Variants in MKRN1 observed in about 807,000 individuals in gnomAD.
MKRN1 encodes makorin ring finger protein 1.
MKRN1 carries 9 observed loss-of-function variants against 55.5 expected under a neutral mutation model. The observed-to-expected ratio is 0.16, with a 90% CI of 0.10 to 0.28. The LOEUF is 0.28. MKRN1 is among the 10% of genes least tolerant of loss of function. MKRN1 has a pLI of 1.00. For missense variants in MKRN1, 488 were observed against 626.7 expected (o/e 0.78, Z 2.36); for synonymous variants, 253 against 235.9 (o/e 1.07, Z -0.66).
chr7:140,479,173 G>T lies in MKRN1; in HGVS notation c.172C>A (p.Gln58Lys), dbSNP rs1219203498. ...GCAACGTCCTACCTGCAGGTGACCTGTTTAGTCCAGCCGCCGCCGCTGCCG... is the reference window on the plus strand; with the variant it reads ...GCAACGTCCTACCTGCAGGTGACCTTTTTAGTCCAGCCGCCGCCGCTGCCG... ...SDGSGGGWTKQVTCRYFMHGV... is the reference protein window; with the variant it reads ...SDGSGGGWTKKVTCRYFMHGV... Residue 58 changes from glutamine to lysine, a missense_variant, in exon 1 of 8, where the codon CAG becomes AAG. By Grantham distance (53) the Gln-to-Lys change is moderately conservative (BLOSUM62 1). Around this residue, in one of 2 missense-constraint regions of MKRN1, gnomAD observed 210 missense variants for 220.0 expected, o/e 0.95. Coordinates refer to ENST00000255977, the MANE Select transcript of MKRN1 (RefSeq NM_013446.4). 2.1e-6 allele frequency: 3 copies of T among 1,455,178 alleles called. No homozygotes were observed. The East Asian group carries it at 9.1e-5, about 44-fold the overall frequency. 90.1% of individuals were successfully genotyped at this position (1,455,178 alleles called of 1,614,324 possible).
intron 1 of MKRN1, chr7:140,473,256 T>C (rs1176756256): frequency 2.2e-6 from 1 of 451,088 alleles, no homozygotes; most frequent in South Asian, 1.6e-5. Flanking sequence ...CAAGTTGAGT[T>C]TGCCTTCGGT....
At chr7:140,471,752 G>A in intron 2 of MKRN1, 131 bp downstream of exon 2, 1 of 1,285,374 alleles carries the variant, frequency 7.8e-7, no homozygotes, top group Non-Finnish European at 1.1e-6. Flanking sequence ...TTATAGGCAT[G>A]AGCCACTGCC....
At chr7:140,456,244 G>A in intron 5 of MKRN1, 1 of 1,149,294 alleles carries the variant, frequency 8.7e-7, no homozygotes, top group Non-Finnish European at 1.1e-6. Context: ...AGATTATGTG[G>A]TTTTTGTTCA....
chr7:140,459,882 A>T lies in MKRN1; in HGVS notation c.369T>A (p.Thr123=), dbSNP rs778914723. The T allele has an allele frequency of 3.7e-6, 6 of 1,613,874 alleles. No homozygotes were observed. The African/African-American group carries it at 6.7e-5, about 18-fold the overall frequency. The change falls in exon 3 of 8, where the codon ACT becomes ACA. Residue 123 remains threonine (T), a synonymous_variant. Transcript: ENST00000255977. ...AGGAAGCAGCAAGGGATGACTTTGTAGTTAGCTCTGTAGCAGTTGCTTCTT... is the reference window on the plus strand; with the variant it reads ...AGGAAGCAGCAAGGGATGACTTTGTTGTTAGCTCTGTAGCAGTTGCTTCTT... The part of the protein sequence containing the change: ...KQEEATATEL[T]TKSSLAASSS...
rs773784995 is a variant in MKRN1, at chr7:140,459,949, T to C, written c.315-13A>G. 2.5e-6 allele frequency: 4 copies of C among 1,608,906 alleles called. No individual in the cohort carries two copies. The Admixed American group carries it at 5.0e-5, about 20-fold the overall frequency. ...GCTATGTTCATATCTAAGAAAAAATTCAAAAGTAAGCAGTCGGCCAGTCGT... is the reference window on the plus strand; with the variant it reads ...GCTATGTTCATATCTAAGAAAAAATCCAAAAGTAAGCAGTCGGCCAGTCGT... On this transcript the variant is annotated splice_polypyrimidine_tract_variant and intron_variant, in intron 2 of 7. Transcript: ENST00000255977.
Position 140,454,383 on chromosome 7 carries a change from C to A in MKRN1, c.*134G>T. Reference sequence around the variant, plus strand: ...AGGTGAGGGGTTGAGAAGACAGGCCCTGGGTAAAAATTCTTAGGACAGCAC... The same window carrying A: ...AGGTGAGGGGTTGAGAAGACAGGCCATGGGTAAAAATTCTTAGGACAGCAC... On this transcript the variant is annotated 3_prime_UTR_variant, in exon 8 of 8. Coordinates refer to ENST00000255977, the MANE Select transcript of MKRN1 (RefSeq NM_013446.4). 1.3e-6 allele frequency: 1 copy of A among 779,266 alleles called. No individual in the cohort carries two copies. Among genetic ancestry groups the A allele is most frequent in the East Asian group, 2.7e-5 (1 of 37,100 alleles). 48.3% of individuals were successfully genotyped at this position (779,266 alleles called of 1,614,324 possible). A position where few individuals can be genotyped will look rare whatever the true frequency, so the allele number is the denominator to read the frequency against.
intron 1 of MKRN1, chr7:140,475,288 AGCCGAGATCGT>A (rs1795088105): frequency 2.4e-6 from 1 of 421,004 alleles, no homozygotes; most frequent in African/African-American, 2.1e-5. Flanking sequence ...GGTTGTAGTG[AGCCGAGATCGT>A]GCCACTGCAC....
At chr7:140,465,964 C>T (rs1458377633) in intron 2 of MKRN1, among the ~76,000 whole-genome samples, 3 of 152,044 alleles carry the variant, frequency 2.0e-5, no homozygotes, top group African/African-American at 7.2e-5. Context: ...GCCTGTAGTC[C>T]CAGCTACTCA....
At position 140,454,270 on chromosome 7, in the gene MKRN1, A is replaced by T; in HGVS notation, c.*247T>A. ...GCAACACACCTACACTAACTGTCTG[A>T]CAGTTAAATTCGTGTTACAAAAAAC... On this transcript the variant is annotated 3_prime_UTR_variant, in exon 8 of 8. Transcript: ENST00000255977. 1.9e-6 allele frequency: 1 copy of T among 522,378 alleles called. No homozygotes were observed. The highest frequency in any genetic ancestry group is 2.1e-5 in the South Asian group (1 of 47,436). 32.4% of individuals were successfully genotyped at this position (522,378 alleles called of 1,614,324 possible).
chr7:140,455,536 TAGAACCCCA>T, intron 6 of MKRN1: 1 of 562,964 alleles, frequency 1.8e-6, no homozygotes, highest in South Asian at 2.5e-5. Flanking sequence ...CAGAATAAGG[TAGAACCCCA>T]CTCATGGGGC....
chr7:140,465,845 GC>G (rs374119836), intron 2 of MKRN1, among the ~76,000 whole-genome samples: 119 of 152,286 alleles, frequency 7.8e-4, no homozygotes, highest in African/African-American at 2.6e-3. Flanking sequence ...CCTTTGGGAG[GC>G]CGAGGTGGGC....
intron 3 of MKRN1, 22 bp from the exon 4 acceptor site, chr7:140,459,255 G>A: frequency 6.2e-7 from 1 of 1,610,900 alleles, no homozygotes; most frequent in Non-Finnish European, 8.5e-7. Flanking sequence ...TAAGAGGGTG[G>A]TAAAGGTCCA....
intron 2 of MKRN1, among the ~76,000 whole-genome samples, chr7:140,462,006 T>C (rs1229143425): frequency 2.0e-5 from 3 of 152,100 alleles, no homozygotes; most frequent in Admixed American, 2.0e-4. Flanking sequence ...AAGACAATTA[T>C]CACAATTCTT....
chr7:140,456,074 C>A lies in MKRN1; in HGVS notation c.987-174G>T, dbSNP rs150044172. ...AACTGACCATTTCTTTCAAGCAAGG[C>A]AACCTCCTTTATAAATCCAACTCAA... On this transcript the variant is annotated intron_variant, in intron 5 of 7. Coordinates refer to ENST00000255977, the MANE Select transcript of MKRN1 (RefSeq NM_013446.4). The A allele has an allele frequency of 3.6e-4, 348 of 972,800 alleles. 1 individual carries two copies. The East Asian group carries it at 0.01, about 28-fold the overall frequency. 60.3% of individuals were successfully genotyped at this position (972,800 alleles called of 1,614,324 possible). A position where few individuals can be genotyped will look rare whatever the true frequency, so the allele number is the denominator to read the frequency against.
chr7:140,473,264 G>A (rs762149845), intron 1 of MKRN1: 15 of 449,190 alleles, frequency 3.3e-5, no homozygotes, highest in Non-Finnish European at 5.8e-5. Context: ...GTTTGCCTTC[G>A]GTGAAAACCT....
chr7:140,473,992 CAAAAAAAAA>C (rs750043239), intron 1 of MKRN1, among the ~76,000 whole-genome samples: 6 of 15,210 alleles, frequency 3.9e-4, no homozygotes, highest in African/African-American at 1.8e-3. Flanking sequence ...AACTCCGTCT[CAAAAAAAAA>C]AAAAAAAGAA....
chr7:140,454,292 AAACT>A lies in MKRN1; in HGVS notation c.*221_*224del, dbSNP rs1211216405. The A allele has an allele frequency of 1.8e-6, 1 of 569,554 alleles. No homozygotes were observed. The highest frequency in any genetic ancestry group is 3.0e-5 in the East Asian group (1 of 33,564). The allele number at this position is 569,554 out of a possible 1,614,324, so 35.3% of individuals were successfully genotyped here. Reference sequence around the variant, plus strand: ...CTGACAGTTAAATTCGTGTTACAAAAAACTAACTTTAAGATTTATTTTTGTAACT... The same window carrying A: ...CTGACAGTTAAATTCGTGTTACAAAAAACTTTAAGATTTATTTTTGTAACT... On this transcript the variant is annotated 3_prime_UTR_variant, in exon 8 of 8. Coordinates refer to ENST00000255977, the MANE Select transcript of MKRN1 (RefSeq NM_013446.4).
intron 6 of MKRN1, 38 bp from the exon 7 acceptor site, chr7:140,455,271 A>T: frequency 6.2e-7 from 1 of 1,612,330 alleles, no homozygotes; most frequent in Non-Finnish European, 8.5e-7. Context: ...TTCACAGTGG[A>T]TTTCAGGTCT....
rs1329510579 is a variant in MKRN1, at chr7:140,459,729, A to G, written c.522T>C (p.Pro174=). The change falls in exon 3 of 8, where the codon CCT becomes CCC. Residue 174 remains proline (P), a synonymous_variant. Coordinates refer to ENST00000255977, the MANE Select transcript of MKRN1 (RefSeq NM_013446.4). The part of the protein sequence containing the change: ...EDWVNAIEFV[P]GQPYCGRTAP... ...TACTACGGCCACAGTAGGGTTGCCC[A>G]GGAACAAACTCAATAGCATTCACCC... 1 of 1,613,986 alleles carries G rather than the reference A, an allele frequency of 6.2e-7. No homozygotes were observed. The highest frequency in any genetic ancestry group is 8.5e-7 in the Non-Finnish European group (1 of 1,179,874).
Sources: gnomAD v4.1 joint callset for allele counts (sites outside exome capture counted in the v4.1 genomes callset) on GRCh38, gnomAD v4.1.1 for gene constraint, gnomAD v4.1.1 regional missense constraint, MANE v1.5 for transcripts, NCBI Gene and HGNC (gene_info 2026-07-23, HGNC 2026-07-21) for gene names.